CYRIB: variants seen among roughly 807,000 people sequenced by gnomAD.
CYRIB encodes the protein CYFIP related Rac1 interactor B.
A neutral mutation model predicts 44.2 loss-of-function variants in CYRIB; 8 were observed. The ratio of observed to expected loss-of-function variants is 0.18; its 90% CI spans 0.11 to 0.33. CYRIB has a LOEUF of 0.33. Ranked by LOEUF, CYRIB falls within the 10% of genes least tolerant of loss-of-function variation. The pLI is 1.00. For missense variants in CYRIB, 185 were observed against 382.8 expected, an observed-to-expected ratio of 0.48 and a Z score of 4.31; for synonymous variants, 131 against 127.2, an observed-to-expected ratio of 1.03 and a Z score of -0.20.
chr8:130,000,751 G>A (rs936604906), intron 1 of CYRIB, among the ~76,000 whole-genome samples: 2 of 151,932 alleles, frequency 1.3e-5, no homozygotes, highest in African/African-American at 4.8e-5. Context: ...GCACAGTGGA[G>A]AGAGCCTGTA....
upstream of CYRIB, among the ~76,000 whole-genome samples, chr8:129,944,063 T>C (rs1219953914): frequency 1.3e-5 from 2 of 151,850 alleles, no homozygotes; most frequent in African/African-American, 4.8e-5. Flanking sequence ...TCATACACCA[T>C]ACTAAGAAAT....
intron 4 of CYRIB, among the ~76,000 whole-genome samples, chr8:129,869,306 CTGGGAGG>C (rs2055808242): frequency 6.8e-6 from 1 of 146,398 alleles, no homozygotes; most frequent in Admixed American, 7.1e-5. Flanking sequence ...TTGCTTGAAC[CTGGGAGG>C]TGGAGGTTGC....
intron 6 of CYRIB, among the ~76,000 whole-genome samples, chr8:129,855,390 CAA>C (rs200820053): frequency 2.1e-4 from 21 of 102,236 alleles, no homozygotes; most frequent in Admixed American, 3.3e-4. Flanking sequence ...GGCTCTGCCT[CAA>C]AAAAAAAAAA....
intron 1 of CYRIB, among the ~76,000 whole-genome samples, chr8:129,927,867 C>T (rs889894328): frequency 6.6e-6 from 1 of 152,018 alleles, no homozygotes; most frequent in Non-Finnish European, 1.5e-5. Flanking sequence ...CAACTGATTA[C>T]CAACAAAGAC....
intron 1 of CYRIB, among the ~76,000 whole-genome samples, chr8:129,933,990 A>G (rs2138654947): frequency 6.6e-6 from 1 of 152,188 alleles, no homozygotes; most frequent in East Asian, 1.9e-4. Flanking sequence ...TCCAATCAGA[A>G]AGGGCTGTAT....
At chr8:129,966,892 G>A (rs532646694) in intron 2 of CYRIB, among the ~76,000 whole-genome samples, 6 of 151,908 alleles carry the variant, frequency 3.9e-5, no homozygotes, top group Admixed American at 1.3e-4. Flanking sequence ...ACAGGGTTTC[G>A]CCATGTTGCC....
At position 129,846,974 on chromosome 8, in the gene CYRIB, CAA is replaced by C. The variant is rs142545467; in HGVS notation, c.841-102_841-101del. 1.2e-3 allele frequency: 750 copies of C among 635,750 alleles called. 1 individual carries two copies. Among genetic ancestry groups the C allele is most frequent in the Non-Finnish European group, 1.7e-3 (639 of 382,344 alleles). The allele number at this position is 635,750 out of a possible 1,614,324, so 39.4% of individuals were successfully genotyped here. A position where few individuals can be genotyped will look rare whatever the true frequency, so the allele number is the denominator to read the frequency against. On this transcript the variant is annotated intron_variant, in intron 10 of 11. Transcript: ENST00000519824. Reference sequence around the variant, plus strand: ...AAATCAAGACCATAACTATGGAACTCAAGAGATTACATACTATGTCAAATTAA... The same window carrying C: ...AAATCAAGACCATAACTATGGAACTCGAGATTACATACTATGTCAAATTAA...
chr8:129,878,916 T>C (rs1313651999), intron 3 of CYRIB, among the ~76,000 whole-genome samples: 7 of 152,244 alleles, frequency 4.6e-5, no homozygotes, highest in South Asian at 2.1e-4. Context: ...ACTTACCTTT[T>C]AATATTATGC....
chr8:129,973,241 A>C (rs1350936867), intron 1 of CYRIB, among the ~76,000 whole-genome samples: 4 of 152,240 alleles, frequency 2.6e-5, no homozygotes, highest in African/African-American at 9.6e-5. Context: ...AATCGAAGAA[A>C]GACTTCCCCA....
intron 1 of CYRIB, among the ~76,000 whole-genome samples, chr8:129,992,967 A>C (rs1436063582): frequency 6.6e-6 from 1 of 152,224 alleles, no homozygotes; most frequent in East Asian, 1.9e-4. Context: ...CTCTGGTAGC[A>C]TAGTGTTTCC....
chr8:129,927,439 C>A (rs1055751352), intron 1 of CYRIB, among the ~76,000 whole-genome samples: 6 of 152,108 alleles, frequency 3.9e-5, no homozygotes, highest in African/African-American at 1.4e-4. Context: ...TAAAAATGCA[C>A]AAAATTACAA....
intron 1 of CYRIB, among the ~76,000 whole-genome samples, chr8:129,918,428 TCC>T (rs2081877235): frequency 6.6e-6 from 1 of 152,206 alleles, no homozygotes; most frequent in South Asian, 2.1e-4. Flanking sequence ...ACAATCTTTA[TCC>T]TGAAAGTAGT....
intron 1 of CYRIB, 55 bp from the exon 4 acceptor site, chr8:129,903,405 A>T (rs563615637): frequency 6.5e-6 from 1 of 152,782 alleles, no homozygotes; most frequent in African/African-American, 2.4e-5. Context: ...ATACTTTAAA[A>T]CAAGTTTTTA....
chr8:129,871,566 GC>G (rs2057234205), intron 3 of CYRIB, 70 bp from the exon 6 acceptor site: 1 of 1,510,610 alleles, frequency 6.6e-7, no homozygotes, highest in South Asian at 1.3e-5. Context: ...GTAACTCTAA[GC>G]AATTAACAAC....
chr8:129,958,321 C>T (rs1327743495), intron 2 of CYRIB, among the ~76,000 whole-genome samples: 1 of 152,130 alleles, frequency 6.6e-6, no homozygotes, highest in Admixed American at 6.6e-5. Context: ...CATTCTGCAC[C>T]AGCACACAAA....
intron 1 of CYRIB, among the ~76,000 whole-genome samples, chr8:129,914,840 T>C (rs560261648): frequency 1.3e-5 from 2 of 152,224 alleles, no homozygotes; most frequent in Non-Finnish European, 2.9e-5. Context: ...ACTGCCTGTA[T>C]ACACAACTTT....
At chr8:129,987,000 T>C (rs986113023) in intron 1 of CYRIB, among the ~76,000 whole-genome samples, 1 of 152,156 alleles carries the variant, frequency 6.6e-6, no homozygotes, top group African/African-American at 2.4e-5. Flanking sequence ...TGCAGCCATA[T>C]GCCCCTAACT....
chr8:129,879,916 T>C (rs2060303382), intron 2 of CYRIB: 1 of 153,418 alleles, frequency 6.5e-6, no homozygotes. Context: ...CATCTCATCT[T>C]AAAACAGTAT....
At chr8:129,865,577 T>C (rs2053061214) in intron 4 of CYRIB, among the ~76,000 whole-genome samples, 1 of 152,194 alleles carries the variant, frequency 6.6e-6, no homozygotes, top group Non-Finnish European at 1.5e-5. Flanking sequence ...TGCCATCATT[T>C]CTCAGAATAA....
Sources: allele counts gnomAD v4.1 joint callset (sites outside exome capture counted in the v4.1 genomes callset), GRCh38; gene constraint gnomAD v4.1.1; transcripts MANE v1.5; gene names NCBI Gene and HGNC (gene_info 2026-07-23, HGNC 2026-07-21).